The following KCTD8 variants were observed in gnomAD, a reference collection of about 807,000 sequenced individuals.
The protein encoded by KCTD8 is potassium channel tetramerization domain containing 8.
In KCTD8, 27 loss-of-function variants were observed where a neutral mutation model predicts 31.5. The observed-to-expected ratio is 0.86, with a 90% CI of 0.63 to 1.18. The LOEUF is 1.18. KCTD8 is among the 50% of genes most tolerant of loss of function. The pLI, the probability that KCTD8 is intolerant of heterozygous loss-of-function variation, is 0.00. For missense variants in KCTD8, 658 were observed against 647.7 expected (o/e 1.02, Z -0.17); for synonymous variants, 290 against 280.0 (o/e 1.04, Z -0.36).
intron 1 of KCTD8, among the ~76,000 whole-genome samples, chr4:44,404,547 T>C (rs1298307754): frequency 2.0e-5 from 3 of 152,218 alleles, no homozygotes; most frequent in Non-Finnish European, 2.9e-5. Context: ...AAACCCTGTA[T>C]AGAGCTTTCC....
At chr4:44,183,025 A>G (rs1713474664) in intron 1 of KCTD8, among the ~76,000 whole-genome samples, 1 of 152,194 alleles carries the variant, frequency 6.6e-6, no homozygotes, top group Non-Finnish European at 1.5e-5. Flanking sequence ...GACATGGTCA[A>G]TTTGTTCACT....
intron 1 of KCTD8, among the ~76,000 whole-genome samples, chr4:44,231,504 T>A (rs560200481): frequency 6.6e-6 from 1 of 152,288 alleles, no homozygotes; most frequent in African/African-American, 2.4e-5. Context: ...AGATAGCACA[T>A]GATAGTCTTC....
chr4:44,441,369 T>C (rs924737300), intron 1 of KCTD8, among the ~76,000 whole-genome samples: 1 of 152,180 alleles, frequency 6.6e-6, no homozygotes, highest in Non-Finnish European at 1.5e-5. Flanking sequence ...TATAAAAATA[T>C]TCATGAATAC....
chr4:44,317,186 A>C lies in KCTD8; in HGVS notation c.961+130377T>G, dbSNP rs111560260. ...ATATCTAACAAAGTTTTAATGGAACAGAACCATGCACATTTGTTTATGTAT... is the reference window on the plus strand; with the variant it reads ...ATATCTAACAAAGTTTTAATGGAACCGAACCATGCACATTTGTTTATGTAT... On this transcript the variant is annotated intron_variant, in intron 1 of 1. Transcript: ENST00000360029. Among the ~76,000 whole-genome samples the C allele has an allele frequency of 6.9e-3, 1,028 of 148,764 alleles. 16 individuals carry two copies. The highest frequency in any genetic ancestry group is 0.024 in the African/African-American group (955 of 40,536).
At chr4:44,288,700 T>C (rs898612211) in intron 1 of KCTD8, among the ~76,000 whole-genome samples, 1 of 152,076 alleles carries the variant, frequency 6.6e-6, no homozygotes, top group Non-Finnish European at 1.5e-5. Context: ...TGTTCTTCTA[T>C]CTCAGATATA....
chr4:44,273,371 A>G (rs1276868374), intron 1 of KCTD8, among the ~76,000 whole-genome samples: 1 of 152,006 alleles, frequency 6.6e-6, no homozygotes, highest in Non-Finnish European at 1.5e-5. Context: ...GTACATTAAC[A>G]AAGCTGTACA....
At chr4:44,213,958 A>C (rs1457073121) in intron 1 of KCTD8, among the ~76,000 whole-genome samples, 1 of 152,208 alleles carries the variant, frequency 6.6e-6, no homozygotes, top group Admixed American at 6.5e-5. Flanking sequence ...AGAGGTACCT[A>C]TACCAGAAAG....
chr4:44,447,960 C>T lies in KCTD8; in HGVS notation c.564G>A (p.Ser188=). The part of the protein sequence containing the change: ...LLRGAAAAVP[S]GPGAHGGGGG... The stretch of plus-strand genomic sequence containing the variant: ...CGCCACCACCGTGCGCTCCCGGGCC[C>T]GAGGGCACGGCGGCCGCCGCCCCGC... Residue 188 remains serine, a synonymous_variant, in exon 1 of 2, where the codon TCG becomes TCA. Transcript: ENST00000360029. The T allele has an allele frequency of 1.3e-6, 2 of 1,526,466 alleles. No homozygotes were observed. The highest frequency in any genetic ancestry group is 1.8e-6 in the Non-Finnish European group (2 of 1,135,652). The allele number at this position is 1,526,466 out of a possible 1,614,324, so 94.6% of individuals were successfully genotyped here. A position where few individuals can be genotyped will look rare whatever the true frequency, so the allele number is the denominator to read the frequency against.
intron 1 of KCTD8, among the ~76,000 whole-genome samples, chr4:44,333,233 T>C (rs888334308): frequency 6.6e-6 from 1 of 151,960 alleles, no homozygotes; most frequent in African/African-American, 2.4e-5. Context: ...AGACAGACAA[T>C]CCAATACAGG....
chr4:44,357,670 A>C (rs1488633361), intron 1 of KCTD8, among the ~76,000 whole-genome samples: 1 of 152,146 alleles, frequency 6.6e-6, no homozygotes, highest in Admixed American at 6.5e-5. Context: ...AGAGGATGTG[A>C]CTGTGAATAC....
intron 1 of KCTD8, among the ~76,000 whole-genome samples, chr4:44,366,400 T>C (rs1296157448): frequency 1.3e-5 from 2 of 152,142 alleles, no homozygotes; most frequent in African/African-American, 4.8e-5. Flanking sequence ...ATCTGATACT[T>C]TAAAAGTGTA....
intron 1 of KCTD8, among the ~76,000 whole-genome samples, chr4:44,266,934 C>A (rs973443074): frequency 2.0e-5 from 3 of 151,850 alleles, no homozygotes; most frequent in African/African-American, 4.8e-5. Flanking sequence ...GACTCCCACA[C>A]AATAATAATG....
intron 1 of KCTD8, among the ~76,000 whole-genome samples, chr4:44,331,349 C>T (rs1386151551): frequency 1.3e-5 from 2 of 151,574 alleles, no homozygotes; most frequent in Non-Finnish European, 3.0e-5. Flanking sequence ...TAATTTAATG[C>T]TAATAAAAAT....
chr4:44,196,144 A>C (rs917677125), intron 1 of KCTD8, among the ~76,000 whole-genome samples: 7 of 152,200 alleles, frequency 4.6e-5, no homozygotes, highest in Non-Finnish European at 1.0e-4. Flanking sequence ...CATTCTAAGA[A>C]ACGCAAATGA....
chr4:44,176,860 C>CATCTATCTATCT (rs58202328), intron 1 of KCTD8, among the ~76,000 whole-genome samples: 25,481 of 148,282 alleles, frequency 0.17, 2,385 homozygotes, highest in African/African-American at 0.22. Context: ...TATATGTCTA[C>CATCTATCTATCT]ATCTATCTAT....
At chr4:44,331,758 TAGAG>T (rs201036212) in intron 1 of KCTD8, among the ~76,000 whole-genome samples, 11 of 149,398 alleles carry the variant, frequency 7.4e-5, no homozygotes, top group Non-Finnish European at 1.2e-4. Flanking sequence ...TACAGCTTTA[TAGAG>T]AGAGTGAAAC....
chr4:44,442,704 TAGATAATAA>T (rs1721843001), intron 1 of KCTD8, among the ~76,000 whole-genome samples: 1 of 152,066 alleles, frequency 6.6e-6, no homozygotes, highest in Non-Finnish European at 1.5e-5. Flanking sequence ...GACAGTCAAA[TAGATAATAA>T]TTAAATACTG....
intron 1 of KCTD8, among the ~76,000 whole-genome samples, chr4:44,320,685 G>T (rs1186375727): frequency 6.6e-6 from 1 of 152,054 alleles, no homozygotes; most frequent in African/African-American, 2.4e-5. Flanking sequence ...AGACTGGGAT[G>T]CACAACAGTA....
chr4:44,388,435 C>T (rs746486830), intron 1 of KCTD8, among the ~76,000 whole-genome samples: 28 of 151,878 alleles, frequency 1.8e-4, no homozygotes, highest in African/African-American at 5.1e-4. Flanking sequence ...TTTACAATAG[C>T]AAAGACATGG....
Sources: allele counts gnomAD v4.1 joint callset (sites outside exome capture counted in the v4.1 genomes callset), GRCh38; gene constraint gnomAD v4.1.1; transcripts MANE v1.5; gene names NCBI Gene and HGNC (gene_info 2026-07-23, HGNC 2026-07-21).